TOX: variants seen among roughly 807,000 people sequenced by gnomAD.
The protein encoded by TOX is thymocyte selection associated high mobility group box.
Under a neutral mutation model 53.7 loss-of-function variants are expected in TOX, and 11 were observed. That is an observed-to-expected ratio of 0.20 (90% confidence interval 0.13 to 0.34). TOX has a LOEUF of 0.34. Among genes scored for constraint, TOX ranks in the 10% least tolerant of loss-of-function variants. The probability of loss-of-function intolerance (pLI) is 1.00; values close to 1 mark genes in which losing one functional copy is unlikely to be tolerated. For missense variants in TOX, 570 were observed against 664.6 expected (o/e 0.86, Z 1.56); for synonymous variants, 225 against 245.3 (o/e 0.92, Z 0.77).
intron 1 of TOX, among the ~76,000 whole-genome samples, chr8:59,039,450 T>A (rs1803533280): frequency 6.6e-6 from 1 of 152,236 alleles, no homozygotes; most frequent in African/African-American, 2.4e-5. Context: ...GCTCCACACT[T>A]CCCTTGGTAG....
chr8:59,090,868 C>T (rs1804596632), intron 1 of TOX, among the ~76,000 whole-genome samples: 1 of 152,132 alleles, frequency 6.6e-6, no homozygotes, highest in Non-Finnish European at 1.5e-5. Context: ...CCACCTTCTG[C>T]ATGTGTCCTT....
chr8:58,950,966 T>C (rs190058523), intron 2 of TOX, among the ~76,000 whole-genome samples: 205 of 152,364 alleles, frequency 1.3e-3, no homozygotes, highest in Admixed American at 3.4e-3. Context: ...ATGAAATTAC[T>C]GCTTTGTAAC....
chr8:58,978,733 C>T (rs1813151071), intron 1 of TOX, among the ~76,000 whole-genome samples: 1 of 152,218 alleles, frequency 6.6e-6, no homozygotes, highest in South Asian at 2.1e-4. Flanking sequence ...TACACTGATA[C>T]ATCATTATCA....
At chr8:58,950,824 C>G (rs1440356157) in intron 2 of TOX, among the ~76,000 whole-genome samples, 1 of 151,898 alleles carries the variant, frequency 6.6e-6, no homozygotes, top group Non-Finnish European at 1.5e-5. Flanking sequence ...AGGGAAAGGA[C>G]TGGGCAGCGG....
intron 3 of TOX, among the ~76,000 whole-genome samples, chr8:58,878,271 A>G (rs1811320198): frequency 6.6e-6 from 1 of 152,174 alleles, no homozygotes; most frequent in Non-Finnish European, 1.5e-5. Flanking sequence ...CCAACATCAA[A>G]AGAACAGGGA....
chr8:58,902,593 T>A (rs924243239), intron 3 of TOX, among the ~76,000 whole-genome samples: 2 of 152,228 alleles, frequency 1.3e-5, no homozygotes, highest in Admixed American at 1.3e-4. Flanking sequence ...GGAACTTTTA[T>A]AATAAAGATG....
intron 1 of TOX, among the ~76,000 whole-genome samples, chr8:58,976,723 T>A (rs1345645011): frequency 6.6e-6 from 1 of 152,244 alleles, no homozygotes; most frequent in Non-Finnish European, 1.5e-5. Flanking sequence ...CCTCGATCCA[T>A]GGGTTGCAGA....
intron 1 of TOX, among the ~76,000 whole-genome samples, chr8:59,062,132 C>T (rs1368016005): frequency 1.3e-5 from 2 of 152,082 alleles, no homozygotes; most frequent in Non-Finnish European, 2.9e-5. Context: ...TTACCAAAAC[C>T]CAAACCTAAA....
chr8:58,931,504 A>G (rs374385787), intron 3 of TOX, among the ~76,000 whole-genome samples: 1 of 152,218 alleles, frequency 6.6e-6, no homozygotes, highest in East Asian at 1.9e-4. Flanking sequence ...TGAGGCAGAC[A>G]AAATAGGCTA....
chr8:58,865,719 G>A (rs1811085330), intron 3 of TOX, among the ~76,000 whole-genome samples: 1 of 151,980 alleles, frequency 6.6e-6, no homozygotes, highest in South Asian at 2.1e-4. Flanking sequence ...GTATTGTTTG[G>A]AGTCGTTAGT....
intron 1 of TOX, among the ~76,000 whole-genome samples, chr8:59,002,825 G>C (rs1813719062): frequency 6.6e-6 from 1 of 152,138 alleles, no homozygotes; most frequent in Non-Finnish European, 1.5e-5. Context: ...AAGCAGTTTA[G>C]TTACAGAATG....
At chr8:58,880,590 C>T (rs1447844092) in intron 3 of TOX, among the ~76,000 whole-genome samples, 10 of 152,150 alleles carry the variant, frequency 6.6e-5, no homozygotes, top group Non-Finnish European at 8.8e-5. Context: ...GGCATTCTCT[C>T]TCTTTCTGCT....
At chr8:58,931,465 A>T (rs1181090412) in intron 3 of TOX, among the ~76,000 whole-genome samples, 1 of 152,202 alleles carries the variant, frequency 6.6e-6, no homozygotes, top group Non-Finnish European at 1.5e-5. Flanking sequence ...AATATTTGAA[A>T]TCAACTGTTC....
intron 1 of TOX, among the ~76,000 whole-genome samples, chr8:59,086,462 C>T (rs549495091): frequency 6.6e-6 from 1 of 152,214 alleles, no homozygotes; most frequent in Non-Finnish European, 1.5e-5. Flanking sequence ...ATTGTTTTTG[C>T]TAAATAGACT....
chr8:58,903,427 T>C lies in TOX; in HGVS notation c.411+35875A>G, dbSNP rs185925153. On this transcript the variant is annotated intron_variant, in intron 3 of 8. Transcript: ENST00000361421. ...ATTCCAACTGTGTAATTATATCCTA[T>C]TTAAATTCCCTGTGTAGTTTCAACT... Among the ~76,000 whole-genome samples, 292 of 152,326 alleles carry C rather than the reference T, an allele frequency of 1.9e-3. 2 individuals carry two copies. Among genetic ancestry groups the C allele is most frequent in the African/African-American group, 6.8e-3 (283 of 41,580 alleles).
intron 1 of TOX, among the ~76,000 whole-genome samples, chr8:58,982,962 A>G (rs898045645): frequency 2.7e-4 from 41 of 152,264 alleles, no homozygotes; most frequent in Middle Eastern, 3.4e-3. Flanking sequence ...ATTTATTCAT[A>G]TGGTCCCTCT....
chr8:58,808,062 C>T, intron 8 of TOX, 56 bp downstream of exon 8: 1 of 1,562,176 alleles, frequency 6.4e-7, no homozygotes, highest in Non-Finnish European at 8.7e-7. Flanking sequence ...CAACTAGGGA[C>T]GATATGCATG....
intron 1 of TOX, among the ~76,000 whole-genome samples, chr8:59,017,422 C>G (rs931434890): frequency 2.6e-5 from 4 of 152,170 alleles, no homozygotes; most frequent in Non-Finnish European, 4.4e-5. Flanking sequence ...GGCACGGTAT[C>G]ATCCCCTGGA....
At chr8:59,059,873 C>A (rs1803949040) in intron 1 of TOX, among the ~76,000 whole-genome samples, 1 of 150,430 alleles carries the variant, frequency 6.6e-6, no homozygotes. Context: ...GGGAAGTGAC[C>A]AAAGTCTTGT....
Sources: allele counts gnomAD v4.1 joint callset (sites outside exome capture counted in the v4.1 genomes callset), GRCh38; gene constraint gnomAD v4.1.1; transcripts MANE v1.5; gene names NCBI Gene and HGNC (gene_info 2026-07-23, HGNC 2026-07-21).